The following CDC14A variants were observed in gnomAD, a reference collection of about 807,000 sequenced individuals.
CDC14A encodes cell division cycle 14A, also known as dual specificity protein phosphatase CDC14A.
Under a neutral mutation model 74.4 loss-of-function variants are expected in CDC14A, and 53 were observed. That is an observed-to-expected ratio of 0.71 (90% confidence interval 0.57 to 0.89). CDC14A has a LOEUF of 0.89. CDC14A is among the 40% of genes least tolerant of loss of function. The pLI is 0.00. For synonymous variants in CDC14A, 247 were observed against 258.4 expected, an observed-to-expected ratio of 0.96 and a Z score of 0.43; for missense variants, 646 against 713.7, an observed-to-expected ratio of 0.91 and a Z score of 1.08.
chr1:100,351,715 C>A, upstream of CDC14A: 2 of 1,541,928 alleles, frequency 1.3e-6, no homozygotes, highest in Non-Finnish European at 1.8e-6. Flanking sequence ...GATGCTTTTG[C>A]GCTCACATTG....
intron 11 of CDC14A, among the ~76,000 whole-genome samples, chr1:100,490,181 C>T (rs1164429895): frequency 3.3e-5 from 5 of 152,096 alleles, no homozygotes; most frequent in Admixed American, 2.6e-4. Flanking sequence ...GGATCAATCC[C>T]CTAATAAATA....
At chr1:100,384,152 G>C (rs1002497756) in intron 3 of CDC14A, among the ~76,000 whole-genome samples, 3 of 152,124 alleles carry the variant, frequency 2.0e-5, no homozygotes, top group African/African-American at 7.2e-5. Context: ...TTCTTTCCAA[G>C]ATAGAAAATG....
At chr1:100,386,286 G>A (rs7515882) in intron 3 of CDC14A, among the ~76,000 whole-genome samples, 13,583 of 152,188 alleles carry the variant, frequency 0.089, 2,100 homozygotes, top group African/African-American at 0.31. Context: ...CTGCTACAGA[G>A]CTGGCAAATA....
chr1:100,401,645 A>C (rs906877575), intron 4 of CDC14A, among the ~76,000 whole-genome samples: 2 of 152,230 alleles, frequency 1.3e-5, no homozygotes, highest in African/African-American at 4.8e-5. Context: ...TTTTCTCAAT[A>C]GGTGAAACTA....
intron 15 of CDC14A, among the ~76,000 whole-genome samples, chr1:100,513,456 C>CA (rs976157685): frequency 1.6e-4 from 25 of 151,946 alleles, no homozygotes; most frequent in African/African-American, 6.0e-4. Flanking sequence ...GTCAGTGTGG[C>CA]AAAAAAGTCC....
intron 7 of CDC14A, among the ~76,000 whole-genome samples, chr1:100,453,484 T>G (rs1331195221): frequency 6.6e-6 from 1 of 152,244 alleles, no homozygotes; most frequent in African/African-American, 2.4e-5. Flanking sequence ...ATTGGATAAT[T>G]AATTTGAGAC....
At chr1:100,433,974 A>G (rs1664026447) in intron 5 of CDC14A, among the ~76,000 whole-genome samples, 1 of 152,192 alleles carries the variant, frequency 6.6e-6, no homozygotes. Context: ...TTAACATTTA[A>G]TTGTGGATGT....
intron 5 of CDC14A, among the ~76,000 whole-genome samples, chr1:100,429,206 A>AAATAAATAAATAAAT (rs1663318468): frequency 5.3e-5 from 6 of 113,418 alleles, no homozygotes; most frequent in South Asian, 2.4e-4. Context: ...TCCATCTCAA[A>AAATAAATAAATAAAT]AAATAAATAA....
intron 4 of CDC14A, chr1:100,424,009 C>G (rs1353240145): frequency 2.0e-6 from 1 of 496,364 alleles, no homozygotes; most frequent in African/African-American, 1.9e-5. Flanking sequence ...ATGGATCTGC[C>G]CTCTGTCTCT....
intron 11 of CDC14A, among the ~76,000 whole-genome samples, chr1:100,487,821 GGCTCCCT>G (rs1670197199): frequency 6.6e-6 from 1 of 152,166 alleles, no homozygotes; most frequent in African/African-American, 2.4e-5. Context: ...GTCTAGGTTA[GGCTCCCT>G]GCTCCCTGCT....
At chr1:100,393,378 G>T (rs1657978459) in intron 4 of CDC14A, 2 of 876,230 alleles carry the variant, frequency 2.3e-6, no homozygotes, top group Non-Finnish European at 2.0e-6. Flanking sequence ...CTAGGCCATA[G>T]AATTGTTTAC....
At chr1:100,499,970 A>C (rs1257210916) in intron 15 of CDC14A, among the ~76,000 whole-genome samples, 1 of 152,178 alleles carries the variant, frequency 6.6e-6, no homozygotes, top group Non-Finnish European at 1.5e-5. Context: ...AACACATCTT[A>C]CCAATGAGAT....
intron 3 of CDC14A, among the ~76,000 whole-genome samples, chr1:100,388,360 A>G (rs1026454795): frequency 2.6e-5 from 4 of 152,216 alleles, no homozygotes; most frequent in African/African-American, 9.6e-5. Flanking sequence ...ATAAAACAGA[A>G]AAAGGCAATG....
chr1:100,428,049 A>G (rs1360733303), intron 5 of CDC14A, among the ~76,000 whole-genome samples: 1 of 152,228 alleles, frequency 6.6e-6, no homozygotes, highest in Non-Finnish European at 1.5e-5. Flanking sequence ...TAGGTAGTAT[A>G]TATAATACGA....
chr1:100,359,790 A>AT lies in CDC14A; in HGVS notation c.140+5949dup, dbSNP rs200808896. Among the ~76,000 whole-genome samples, 147 of 147,094 alleles carry AT rather than the reference A, an allele frequency of 1.0e-3. 1 individual carries two copies. The Middle Eastern group carries it at 0.011, about 11-fold the overall frequency. On this transcript the variant is annotated intron_variant, in intron 2 of 15. Transcript: ENST00000336454. ...TGCTTACCTGGTGTAACTTAAGGTGATTTTTTTTTTTAAGGTATTCTCCAA... is the reference window on the plus strand; with the variant it reads ...TGCTTACCTGGTGTAACTTAAGGTGATTTTTTTTTTTTAAGGTATTCTCCAA...
At chr1:100,351,942 A>T, upstream of CDC14A, 1 of 756,022 alleles carries the variant, frequency 1.3e-6, no homozygotes, top group Non-Finnish European at 2.2e-6. Flanking sequence ...GCTAGAGGCG[A>T]GGCAGGGCAC....
intron 2 of CDC14A, among the ~76,000 whole-genome samples, chr1:100,361,185 G>A (rs1004477605): frequency 1.1e-4 from 16 of 151,852 alleles, no homozygotes; most frequent in African/African-American, 3.9e-4. Flanking sequence ...ACATTTTTAT[G>A]GGAAGTGAAA....
intron 15 of CDC14A, among the ~76,000 whole-genome samples, chr1:100,503,649 CTT>C (rs1177974421): frequency 6.6e-6 from 1 of 152,180 alleles, no homozygotes; most frequent in Non-Finnish European, 1.5e-5. Flanking sequence ...AATTTGTCCT[CTT>C]TTGCTAGTCT....
At chr1:100,423,132 C>T (rs1243225224) in intron 4 of CDC14A, among the ~76,000 whole-genome samples, 2 of 152,176 alleles carry the variant, frequency 1.3e-5, no homozygotes, top group Admixed American at 6.5e-5. Context: ...ATTGAGCTCT[C>T]CCAGTGGTTT....
Sources: gnomAD v4.1 joint callset for allele counts (sites outside exome capture counted in the v4.1 genomes callset) on GRCh38, gnomAD v4.1.1 for gene constraint, MANE v1.5 for transcripts, NCBI Gene and HGNC (gene_info 2026-07-23, HGNC 2026-07-21) for gene names.